ACER3: variants seen among roughly 807,000 people sequenced by gnomAD.
ACER3 encodes alkCDase 3.
In ACER3, 16 loss-of-function variants were observed where a neutral mutation model predicts 48.9. That is an observed-to-expected ratio of 0.33 (90% confidence interval 0.22 to 0.50). The LOEUF (loss-of-function observed/expected upper bound fraction) is 0.50. ACER3 is among the 20% of genes least tolerant of loss of function. ACER3 has a pLI of 0.98. For missense variants in ACER3, 227 were observed against 326.0 expected (o/e 0.70, Z 2.34); for synonymous variants, 109 against 107.8 (o/e 1.01, Z -0.07).
intron 3 of ACER3, among the ~76,000 whole-genome samples, chr11:76,965,556 C>G (rs9795148): frequency 0.58 from 87,365 of 150,928 alleles, 28,704 homozygotes; most frequent in Non-Finnish European, 0.74. Context: ...GGCAGCCAGA[C>G]AGAAAGGTAG....
intron 1 of ACER3, among the ~76,000 whole-genome samples, 171 bp from the exon 2 acceptor site, chr11:76,926,386 T>A (rs1854056921): frequency 6.6e-6 from 1 of 152,254 alleles, no homozygotes; most frequent in South Asian, 2.1e-4. Context: ...TTTGGATTAT[T>A]GTGAGAAATT....
chr11:76,985,265 A>G (rs144591030), intron 4 of ACER3, among the ~76,000 whole-genome samples: 132 of 152,120 alleles, frequency 8.7e-4, no homozygotes, highest in African/African-American at 2.6e-3. Context: ...CACCATGCCC[A>G]CTAATTATTT....
At chr11:76,875,802 C>T (rs189369006) in intron 1 of ACER3, among the ~76,000 whole-genome samples, 1 of 115,550 alleles carries the variant, frequency 8.7e-6, no homozygotes, top group East Asian at 3.0e-4. Flanking sequence ...GTGGCATGAT[C>T]TCAGCTCACT....
At chr11:76,971,701 C>CT (rs1379328421) in intron 3 of ACER3, among the ~76,000 whole-genome samples, 1 of 152,020 alleles carries the variant, frequency 6.6e-6, no homozygotes, top group Non-Finnish European at 1.5e-5. Flanking sequence ...GGGCTTGGAG[C>CT]TTAGCAAAAC....
At chr11:77,003,507 A>AC (rs1949076032) in intron 7 of ACER3, among the ~76,000 whole-genome samples, 1 of 151,786 alleles carries the variant, frequency 6.6e-6, no homozygotes, top group Non-Finnish European at 1.5e-5. Flanking sequence ...CTTTTTAAAA[A>AC]CCAGACTTTT....
At chr11:76,861,196 G>A (rs1313742930) in intron 1 of ACER3, 117 bp downstream of exon 1, 2 of 1,072,744 alleles carry the variant, frequency 1.9e-6, no homozygotes, top group Admixed American at 4.8e-5. Flanking sequence ...CCTGGCCCCG[G>A]GAGCTGGAAT....
At chr11:76,898,022 C>T (rs760501873) in intron 1 of ACER3, among the ~76,000 whole-genome samples, 1 of 151,922 alleles carries the variant, frequency 6.6e-6, no homozygotes. Flanking sequence ...TCATAAAAGG[C>T]ACTGTTAATT....
At chr11:77,010,820 C>A (rs1004744010) in intron 7 of ACER3, among the ~76,000 whole-genome samples, 41 of 152,236 alleles carry the variant, frequency 2.7e-4, no homozygotes, top group Admixed American at 2.4e-3. Context: ...ACTAGAAGAC[C>A]AATGCCTTCA....
chr11:76,900,546 A>C (rs1315823624), intron 1 of ACER3, among the ~76,000 whole-genome samples: 1 of 152,056 alleles, frequency 6.6e-6, no homozygotes, highest in African/African-American at 2.4e-5. Flanking sequence ...CTGGCCAGGT[A>C]AGGGGTCTCA....
chr11:76,990,981 T>C (rs1948789629), intron 6 of ACER3, among the ~76,000 whole-genome samples: 2 of 152,152 alleles, frequency 1.3e-5, no homozygotes, highest in African/African-American at 4.8e-5. Context: ...GTGATGTACA[T>C]TGAAGGAAGC....
At chr11:76,884,921 G>A (rs193030996) in intron 1 of ACER3, among the ~76,000 whole-genome samples, 34 of 152,006 alleles carry the variant, frequency 2.2e-4, no homozygotes, top group African/African-American at 7.7e-4. Flanking sequence ...GTGCCACCAT[G>A]CCCAGCTAAT....
intron 2 of ACER3, among the ~76,000 whole-genome samples, chr11:76,942,841 T>A (rs1055966640): frequency 2.0e-5 from 3 of 152,006 alleles, no homozygotes; most frequent in Non-Finnish European, 2.9e-5. Context: ...AGATTTTTTT[T>A]AAATCACTGA....
intron 1 of ACER3, among the ~76,000 whole-genome samples, chr11:76,888,201 A>C (rs918235418): frequency 6.6e-6 from 1 of 152,196 alleles, no homozygotes; most frequent in African/African-American, 2.4e-5. Context: ...ACCAGCTGTG[A>C]AACTGGTATA....
intron 3 of ACER3, among the ~76,000 whole-genome samples, chr11:76,961,051 C>G (rs575785131): frequency 6.6e-6 from 1 of 152,018 alleles, no homozygotes; most frequent in Non-Finnish European, 1.5e-5. Flanking sequence ...GCAGCAGCAG[C>G]CCAGCACCAA....
At chr11:76,899,237 ACCTTATT>A (rs1946019668) in intron 1 of ACER3, among the ~76,000 whole-genome samples, 1 of 152,202 alleles carries the variant, frequency 6.6e-6, no homozygotes, top group Admixed American at 6.5e-5. Context: ...CATACTAAGC[ACCTTATT>A]ATAATGAAAA....
chr11:76,958,445 C>T (rs529337370), intron 2 of ACER3, among the ~76,000 whole-genome samples: 1 of 152,226 alleles, frequency 6.6e-6, no homozygotes, highest in East Asian at 1.9e-4. Flanking sequence ...CCTCAACCTC[C>T]CAAAGTGCTG....
At chr11:76,957,947 TTAA>T (rs1300799215) in intron 2 of ACER3, among the ~76,000 whole-genome samples, 4 of 151,646 alleles carry the variant, frequency 2.6e-5, no homozygotes, top group Non-Finnish European at 5.9e-5. Flanking sequence ...TTTTTATTTT[TTAA>T]TTTTATTATT....
At chr11:76,948,040 A>G (rs945598517) in intron 2 of ACER3, among the ~76,000 whole-genome samples, 55 of 152,332 alleles carry the variant, frequency 3.6e-4, no homozygotes, top group African/African-American at 1.3e-3. Context: ...TGTGGTTCCT[A>G]TAGGCCTCAG....
In ACER3 at chr11:76,892,001, G is replaced by A. The variant is rs144536289; in HGVS notation, c.103+30922G>A. 3.3e-5 allele frequency among the ~76,000 whole-genome samples: 5 copies of A among 152,258 alleles called. No homozygotes were observed. In the East Asian group the frequency reaches 9.6e-4, roughly 29 times the overall value. ...TTTCCTTTGCTTTTTCAGCATGAAG[G>A]TTGTATTTCTTGTTTTCTTTTTTGT... On this transcript the variant is annotated intron_variant, in intron 1 of 10. Coordinates refer to ENST00000532485, the MANE Select transcript of ACER3 (RefSeq NM_018367.7).
Sources: gnomAD v4.1 joint callset for allele counts (sites outside exome capture counted in the v4.1 genomes callset) on GRCh38, gnomAD v4.1.1 for gene constraint, MANE v1.5 for transcripts, NCBI Gene and HGNC (gene_info 2026-07-23, HGNC 2026-07-21) for gene names.